AGBL3: variants seen among roughly 807,000 people sequenced by gnomAD.
AGBL3 encodes the protein cytosolic carboxypeptidase 3.
AGBL3 carries 68 observed loss-of-function variants against 94.5 expected under a neutral mutation model. That is an observed-to-expected ratio of 0.72 (90% CI 0.59 to 0.88). The LOEUF is 0.88. Among genes scored for constraint, AGBL3 ranks in the 40% least tolerant of loss-of-function variants. AGBL3 has a pLI of 0.00. For synonymous variants in AGBL3, 354 were observed against 370.7 expected (o/e 0.95, Z 0.52); for missense variants, 934 against 1,103.8 (o/e 0.85, Z 2.18).
intron 5 of AGBL3, among the ~76,000 whole-genome samples, chr7:135,031,253 TTTTA>T (rs759016113): frequency 9.9e-4 from 151 of 152,166 alleles, no homozygotes; most frequent in Admixed American, 2.7e-3. Flanking sequence ...TATTATATTC[TTTTA>T]TTTATTTATT....
intron 4 of AGBL3, among the ~76,000 whole-genome samples, chr7:135,008,181 AAAG>A (rs1359817818): frequency 6.6e-6 from 1 of 152,064 alleles, no homozygotes; most frequent in Non-Finnish European, 1.5e-5. Flanking sequence ...TGGCCAAAAA[AAAG>A]AAAAAAAAAC....
chr7:134,987,371 T>A (rs2732908), intron 1 of AGBL3, among the ~76,000 whole-genome samples: 10,393 of 152,238 alleles, frequency 0.068, 1,145 homozygotes, highest in African/African-American at 0.23. Flanking sequence ...TTCTGGTAGC[T>A]ATTTAGATTT....
At chr7:135,057,683 A>G (rs1260477546) in intron 11 of AGBL3, among the ~76,000 whole-genome samples, 6 of 152,194 alleles carry the variant, frequency 3.9e-5, no homozygotes, top group Non-Finnish European at 8.8e-5. Flanking sequence ...GCATTCATAT[A>G]GCAGCTTTAT....
At chr7:135,032,306 T>C (rs1420724873) in intron 5 of AGBL3, among the ~76,000 whole-genome samples, 5 of 151,906 alleles carry the variant, frequency 3.3e-5, no homozygotes, top group African/African-American at 1.2e-4. Flanking sequence ...GTTTTTTTGT[T>C]TTTTTGTTCT....
Position 134,993,646 on chromosome 7 carries a change from G to A in AGBL3, c.278G>A (p.Cys93Tyr), listed in dbSNP as rs1031197830. 3.9e-6 allele frequency: 6 copies of A among 1,551,242 alleles called. No homozygotes were observed. In the Admixed American group the frequency reaches 5.9e-5, roughly 15 times the overall value. The change falls in exon 4 of 17, where the codon TGT (cysteine) becomes TAT (tyrosine). Residue 93 changes from cysteine to tyrosine, a missense_variant. By Grantham distance (194) the Cys-to-Tyr change is radical. Around this residue, in one of 3 missense-constraint regions of AGBL3, gnomAD observed 488 missense variants for 563.6 expected, o/e 0.87. Coordinates refer to ENST00000436302, the MANE Select transcript of AGBL3 (RefSeq NM_178563.4). Reference protein sequence around the residue: ...PLSPTRWPYHCEVIDEKVQHI... With the variant: ...PLSPTRWPYHYEVIDEKVQHI... ...AGCCCAACACGGTGGCCATACCATTGTGAAGTCATCGATGAAAAAGTCCAG... is the reference window on the plus strand; with the variant it reads ...AGCCCAACACGGTGGCCATACCATTATGAAGTCATCGATGAAAAAGTCCAG...
At chr7:135,032,344 G>A (rs535370679) in intron 5 of AGBL3, among the ~76,000 whole-genome samples, 15 of 151,592 alleles carry the variant, frequency 9.9e-5, no homozygotes, top group South Asian at 4.2e-4. Flanking sequence ...TCACTCTGTC[G>A]CCCAGGGTAA....
chr7:135,056,125 A>G (rs1336388736), intron 11 of AGBL3, among the ~76,000 whole-genome samples: 2 of 151,900 alleles, frequency 1.3e-5, no homozygotes, highest in East Asian at 1.9e-4. Flanking sequence ...TTTATTTCTG[A>G]TGTTAGCAAG....
At chr7:135,078,867 A>G (rs1820688357) in intron 13 of AGBL3, among the ~76,000 whole-genome samples, 1 of 152,178 alleles carries the variant, frequency 6.6e-6, no homozygotes, top group African/African-American at 2.4e-5. Context: ...ACTCAGGTAA[A>G]TGGCTGAGGG....
intron 16 of AGBL3, 67 bp from the exon 17 acceptor site, chr7:135,134,774 A>C: frequency 7.4e-7 from 1 of 1,355,730 alleles, no homozygotes; most frequent in Non-Finnish European, 1.0e-6. Context: ...ATACTATGAC[A>C]ACATACCTAG....
chr7:135,089,544 C>T (rs1167479917), intron 15 of AGBL3, among the ~76,000 whole-genome samples: 1 of 152,154 alleles, frequency 6.6e-6, no homozygotes, highest in African/African-American at 2.4e-5. Flanking sequence ...TTTCTGTGTG[C>T]CATTTGGGAA....
intron 12 of AGBL3, among the ~76,000 whole-genome samples, chr7:135,069,676 C>T (rs543952755): frequency 7.9e-5 from 12 of 152,096 alleles, no homozygotes; most frequent in African/African-American, 1.9e-4. Context: ...TTGAAACCAA[C>T]GAGAACAAAG....
intron 16 of AGBL3, among the ~76,000 whole-genome samples, chr7:135,125,191 A>G (rs574708617): frequency 6.6e-6 from 1 of 152,256 alleles, no homozygotes; most frequent in African/African-American, 2.4e-5. Context: ...TCAAATAGAC[A>G]CAATAAAAAT....
In AGBL3 at chr7:135,034,897, T is replaced by G. The variant is rs770402990; in HGVS notation, c.1306T>G (p.Ser436Ala). 3.2e-6 allele frequency: 5 copies of G among 1,543,268 alleles called. No individual in the cohort carries two copies. The change falls in exon 7 of 17, where the codon TCT (serine) becomes GCT (alanine). Residue 436 changes from serine (S) to alanine (A), a missense_variant. Coordinates refer to ENST00000436302, the MANE Select transcript of AGBL3 (RefSeq NM_178563.4). ...YTSLLKESFPSVWYTRNMVHR... is the reference protein window; with the variant it reads ...YTSLLKESFPAVWYTRNMVHR... ...ATCTCTCCTGAAGGAATCTTTTCCT[T>G]CTGTATGGTATACCCGGAACATGGT...
At chr7:135,113,641 C>T (rs2117166506) in intron 15 of AGBL3, among the ~76,000 whole-genome samples, 1 of 152,288 alleles carries the variant, frequency 6.6e-6, no homozygotes, top group East Asian at 1.9e-4. Flanking sequence ...CCACCCACTT[C>T]CCAAGTATGT....
chr7:135,101,606 T>C (rs1823841129), intron 15 of AGBL3, among the ~76,000 whole-genome samples: 1 of 152,164 alleles, frequency 6.6e-6, no homozygotes, highest in South Asian at 2.1e-4. Flanking sequence ...TCACTTCTGC[T>C]TCCTAGACAT....
intron 11 of AGBL3, among the ~76,000 whole-genome samples, chr7:135,053,960 T>G (rs1818115862): frequency 6.6e-6 from 1 of 152,222 alleles, no homozygotes; most frequent in East Asian, 1.9e-4. Flanking sequence ...AAATCAAGGC[T>G]GATATGAACA....
intron 12 of AGBL3, among the ~76,000 whole-genome samples, chr7:135,062,899 C>T (rs1329882757): frequency 1.3e-5 from 2 of 152,098 alleles, no homozygotes; most frequent in Non-Finnish European, 2.9e-5. Context: ...AATATTCCCT[C>T]TTCTTCAATT....
chr7:135,035,775 T>C (rs1462132364), intron 7 of AGBL3, among the ~76,000 whole-genome samples: 3 of 152,148 alleles, frequency 2.0e-5, no homozygotes, highest in African/African-American at 4.8e-5. Context: ...AAAGTTCCTT[T>C]TGACTTGCTT....
chr7:135,075,770 C>A (rs1329565646), intron 12 of AGBL3, among the ~76,000 whole-genome samples: 2 of 152,184 alleles, frequency 1.3e-5, no homozygotes, highest in Non-Finnish European at 2.9e-5. Context: ...CTATTTTAGC[C>A]ATTCTGACAA....
Sources: allele counts gnomAD v4.1 joint callset (sites outside exome capture counted in the v4.1 genomes callset), GRCh38; gene constraint gnomAD v4.1.1; regional missense constraint gnomAD v4.1.1; transcripts MANE v1.5; gene names NCBI Gene and HGNC (gene_info 2026-07-23, HGNC 2026-07-21).